The following DMD variants were observed in gnomAD, a reference collection of about 807,000 sequenced individuals.
DMD encodes dystrophin, also known as mutant dystrophin.
A neutral mutation model predicts 330.1 loss-of-function variants in DMD; 63 were observed. That is an observed-to-expected ratio of 0.19 (90% CI 0.16 to 0.24). DMD has a LOEUF of 0.24. Ranked by LOEUF, DMD falls within the 10% of genes least tolerant of loss-of-function variation. The pLI is 1.00. For synonymous variants in DMD, 1,223 were observed against 959.8 expected (o/e 1.27, Z -5.07); for missense variants, 3,344 against 2,684.1 (o/e 1.25, Z -5.43).
At chrX:32,746,176 T>A (rs2016331663) in intron 7 of DMD, among the ~76,000 whole-genome samples, 1 of 111,935 alleles carries the variant, frequency 8.9e-6, no homozygotes, top group Non-Finnish European at 1.9e-5. Context: ...ATTCCCATGT[T>A]TAGACAGATT....
At chrX:31,726,923 G>A (rs970433868) in intron 52 of DMD, among the ~76,000 whole-genome samples, 1 of 111,444 alleles carries the variant, frequency 9.0e-6, no homozygotes, top group Non-Finnish European at 1.9e-5. Flanking sequence ...GCTTAGAAAA[G>A]AAGAACTATT....
chrX:32,994,147 C>T (rs1173341359), intron 2 of DMD, among the ~76,000 whole-genome samples: 1 of 109,930 alleles, frequency 9.1e-6, no homozygotes, highest in African/African-American at 3.3e-5. Flanking sequence ...CATGAGGGGT[C>T]TTATGGCCTA....
At chrX:32,742,491 A>C (rs777488352) in intron 7 of DMD, among the ~76,000 whole-genome samples, 1 of 111,472 alleles carries the variant, frequency 9.0e-6, no homozygotes, top group South Asian at 3.8e-4. Context: ...AATGCGAGGT[A>C]GAGAAGACCG....
intron 59 of DMD, among the ~76,000 whole-genome samples, chrX:31,459,915 T>C (rs193212815): frequency 5.6e-4 from 63 of 112,345 alleles, no homozygotes; most frequent in African/African-American, 8.1e-4. Flanking sequence ...GGTTTGACCA[T>C]AGCTATTTCC....
chrX:33,009,187 T>C (rs1449662728), intron 2 of DMD, among the ~76,000 whole-genome samples: 4 of 53,249 alleles, frequency 7.5e-5, no homozygotes, highest in Admixed American at 2.1e-4. Context: ...TATATACGTA[T>C]ATATGTATAT....
At chrX:32,658,244 A>G (rs2060713644) in intron 9 of DMD, among the ~76,000 whole-genome samples, 1 of 111,764 alleles carries the variant, frequency 8.9e-6, no homozygotes, top group African/African-American at 3.3e-5. Flanking sequence ...ATTAGAAGTT[A>G]GCACAAGAGA....
chrX:31,578,143 T>A lies in DMD; in HGVS notation c.8217+49530A>T, dbSNP rs1603397705. 2.7e-5 allele frequency among the ~76,000 whole-genome samples: 3 copies of A among 111,822 alleles called. No individual in the cohort carries two copies. In the Middle Eastern group the frequency reaches 0.014, roughly 513 times the overall value. ...TTGAGTTTTAAAATCCTGGAAATAT[T>A]AAACTTACTGGAGAACATTATAGGT... is the stretch of plus-strand genomic sequence containing the variant. On this transcript the variant is annotated intron_variant, in intron 55 of 78. Transcript: ENST00000357033.
chrX:32,564,718 A>C (rs2051478587), intron 16 of DMD, among the ~76,000 whole-genome samples: 1 of 111,944 alleles, frequency 8.9e-6, no homozygotes, highest in Non-Finnish European at 1.9e-5. Context: ...AGGCTGGTTT[A>C]TTACGCTGTC....
chrX:32,328,079 A>G (rs1400019151), intron 41 of DMD, among the ~76,000 whole-genome samples: 1 of 111,874 alleles, frequency 8.9e-6, no homozygotes, highest in African/African-American at 3.2e-5. Flanking sequence ...GTTAATTATT[A>G]GTCATTATGA....
chrX:31,284,860 A>C lies in DMD; in HGVS notation c.9225-23844T>G, dbSNP rs775619064. Among the ~76,000 whole-genome samples, 252 of 104,993 alleles carry C rather than the reference A, an allele frequency of 2.4e-3. 1 individual carries two copies. The highest frequency in any genetic ancestry group is 8.0e-3 in the African/African-American group (220 of 27,577). 91.2% of individuals were successfully genotyped at this position (104,993 alleles called of 115,157 possible). On this transcript the variant is annotated intron_variant, in intron 62 of 78. Transcript: ENST00000357033. ...CACACACACACACACACACACACAC[A>C]CACCCACACCCACACACGCAAAGTA... is the stretch of plus-strand genomic sequence containing the variant.
rs183722541 is a variant in DMD at position 32,855,772 on chromosome X, C to A, written c.94-5952G>T. Among the ~76,000 whole-genome samples, 258 of 111,482 alleles carry A rather than the reference C, an allele frequency of 2.3e-3. 2 individuals carry two copies. Among genetic ancestry groups the A allele is most frequent in the African/African-American group, 8.2e-3 (250 of 30,659 alleles). On this transcript the variant is annotated intron_variant, in intron 2 of 78. Transcript: ENST00000357033. ...CTGGTCTAGGCAAATATTTCTTGAG[C>A]AATACCCTACCAAGCACAAGCAATC...
intron 47 of DMD, among the ~76,000 whole-genome samples, chrX:31,898,763 T>C (rs2094383207): frequency 8.9e-6 from 1 of 112,414 alleles, no homozygotes; most frequent in Non-Finnish European, 1.9e-5. Flanking sequence ...TAAATTGTCA[T>C]AATTAATCAT....
In DMD at chrX:32,717,382, T is replaced by A. The variant is rs193101311; in HGVS notation, c.650-18089A>T. 3.6e-3 allele frequency among the ~76,000 whole-genome samples: 398 copies of A among 111,541 alleles called. 3 individuals are homozygous for A. Among genetic ancestry groups the A allele is most frequent in the African/African-American group, 0.012 (367 of 30,749 alleles). On this transcript the variant is annotated intron_variant, in intron 7 of 78. Transcript: ENST00000357033. ...CCCCAGATGTGTCTTGGGGTGTTGCTTCAGAGGGTGCAAGCCATAAGCATT... is the reference window on the plus strand; with the variant it reads ...CCCCAGATGTGTCTTGGGGTGTTGCATCAGAGGGTGCAAGCCATAAGCATT...
At chrX:33,334,800 A>C (rs921296026) in intron 1 of DMD, among the ~76,000 whole-genome samples, 1 of 111,347 alleles carries the variant, frequency 9.0e-6, no homozygotes, top group East Asian at 2.8e-4. Flanking sequence ...ACATGTTTTT[A>C]AAAGAAATGA....
intron 45 of DMD, among the ~76,000 whole-genome samples, chrX:31,959,823 G>A (rs372566878): frequency 1.4e-4 from 13 of 94,731 alleles, no homozygotes; most frequent in African/African-American, 4.5e-4. Context: ...GGAGTGCAAT[G>A]GCATGATCTT....
intron 1 of DMD, among the ~76,000 whole-genome samples, chrX:33,124,385 A>T (rs1383473657): frequency 1.0e-5 from 1 of 97,453 alleles, no homozygotes; most frequent in African/African-American, 3.8e-5. Flanking sequence ...CTGACGCAGG[A>T]GAATCACTTG....
chrX:31,839,542 C>T lies in DMD; in HGVS notation c.7099-2723G>A, dbSNP rs183714041. On this transcript the variant is annotated intron_variant, in intron 48 of 78. Coordinates refer to ENST00000357033, the MANE Select transcript of DMD (RefSeq NM_004006.3). ...TCTACTCTTCTGCTTTTGGATTTCC[C>T]GTAATGATTTTTTTTGCAAAATTTT... Among the ~76,000 whole-genome samples the T allele has an allele frequency of 3.5e-4, 39 of 111,698 alleles. No homozygotes were observed. In the East Asian group the frequency reaches 7.6e-3, roughly 22 times the overall value.
At chrX:31,941,521 G>T (rs1013293172) in intron 45 of DMD, among the ~76,000 whole-genome samples, 2 of 111,262 alleles carry the variant, frequency 1.8e-5, no homozygotes, top group African/African-American at 3.3e-5. Flanking sequence ...TCCTCCTGTC[G>T]CTGTCTCCTT....
chrX:31,796,021 C>A (rs1240355917), intron 50 of DMD, among the ~76,000 whole-genome samples: 1 of 111,758 alleles, frequency 8.9e-6, no homozygotes, highest in Non-Finnish European at 1.9e-5. Flanking sequence ...GTAGGAAATA[C>A]CCTAGATAGA....
Sources: allele counts gnomAD v4.1 joint callset (sites outside exome capture counted in the v4.1 genomes callset), GRCh38; gene constraint gnomAD v4.1.1; transcripts MANE v1.5; gene names NCBI Gene and HGNC (gene_info 2026-07-23, HGNC 2026-07-21).